The following ABCB1 variants were observed in gnomAD, a reference collection of about 807,000 sequenced individuals.
ABCB1 encodes ATP-dependent translocase ABCB1.
In ABCB1, 69 loss-of-function variants were observed where a neutral mutation model predicts 142.0. The ratio of observed to expected loss-of-function variants is 0.49; its 90% CI spans 0.40 to 0.59. The LOEUF is 0.59. Ranked by LOEUF, ABCB1 falls within the 20% of genes least tolerant of loss-of-function variation. ABCB1 has a pLI of 0.00. For synonymous variants in ABCB1, 532 were observed against 539.2 expected (o/e 0.99, Z 0.18); for missense variants, 1,326 against 1,554.7 (o/e 0.85, Z 2.47).
chr7:87,590,697 TTGTC>T (rs1818966474), intron 3 of ABCB1, among the ~76,000 whole-genome samples: 1 of 152,190 alleles, frequency 6.6e-6, no homozygotes, highest in Non-Finnish European at 1.5e-5. Flanking sequence ...GAGGGAATAT[TTGTC>T]TGCAGTAAAG....
chr7:87,611,077 C>T (rs1219548827), intron 1 of ABCB1, among the ~76,000 whole-genome samples: 1 of 152,184 alleles, frequency 6.6e-6, no homozygotes, highest in Non-Finnish European at 1.5e-5. Flanking sequence ...TTCGTAACAG[C>T]CAAAGTATTT....
chr7:87,656,513 A>G (rs927682060), intron 1 of ABCB1, among the ~76,000 whole-genome samples: 1 of 151,996 alleles, frequency 6.6e-6, no homozygotes, highest in Non-Finnish European at 1.5e-5. Context: ...AGAAAATATC[A>G]AGGTTTGTTT....
chr7:87,651,338 A>G (rs1293745550), intron 1 of ABCB1, among the ~76,000 whole-genome samples: 1 of 152,160 alleles, frequency 6.6e-6, no homozygotes, highest in African/African-American at 2.4e-5. Context: ...AGCAGGTAGT[A>G]GGTTAAAAAA....
intron 1 of ABCB1, among the ~76,000 whole-genome samples, chr7:87,666,988 A>G (rs1239057512): frequency 6.6e-6 from 1 of 152,116 alleles, no homozygotes; most frequent in Non-Finnish European, 1.5e-5. Flanking sequence ...TTTTGGTTCA[A>G]TATGAATTTT....
intron 5 of ABCB1, among the ~76,000 whole-genome samples, chr7:87,569,247 C>T (rs1312685902): frequency 3.4e-5 from 5 of 149,070 alleles, no homozygotes; most frequent in Non-Finnish European, 4.4e-5. Flanking sequence ...ACACAAGAAT[C>T]GCTTGAAGCC....
chr7:87,626,274 CAT>C (rs1315337588), intron 1 of ABCB1, among the ~76,000 whole-genome samples: 1 of 58,406 alleles, frequency 1.7e-5, no homozygotes, highest in Non-Finnish European at 3.0e-5. Context: ...ATATATGTGT[CAT>C]ATATATGTGT....
intron 17 of ABCB1, among the ~76,000 whole-genome samples, chr7:87,542,883 A>G (rs1816602628): frequency 6.6e-6 from 1 of 152,194 alleles, no homozygotes; most frequent in Non-Finnish European, 1.5e-5. Flanking sequence ...TGCAAAGCCT[A>G]AAATATTTAC....
intron 1 of ABCB1, among the ~76,000 whole-genome samples, chr7:87,711,191 T>G (rs922662757): frequency 6.6e-6 from 1 of 151,952 alleles, no homozygotes; most frequent in Non-Finnish European, 1.5e-5. Flanking sequence ...CCAGGCATGG[T>G]GGTGCATGCC....
chr7:87,707,516 A>C (rs1585160457), intron 1 of ABCB1, among the ~76,000 whole-genome samples: 1 of 152,128 alleles, frequency 6.6e-6, no homozygotes, highest in Non-Finnish European at 1.5e-5. Context: ...TCCACAAAAA[A>C]TACAAAAATT....
At chr7:87,645,794 T>C (rs2130334054) in intron 1 of ABCB1, among the ~76,000 whole-genome samples, 1 of 152,342 alleles carries the variant, frequency 6.6e-6, no homozygotes, top group East Asian at 1.9e-4. Flanking sequence ...TGACTAGCTA[T>C]ATGATTTTAG....
Position 87,514,006 on chromosome 7 carries a change from A to C in ABCB1, c.3282+1225T>G, listed in dbSNP as rs28401800. ...CAATCAGAGTTCACAGAAAATATAA[A>C]GCAAGAGAGTAAAAGTAGGGAACAA... On this transcript the variant is annotated intron_variant, in intron 25 of 27. Transcript: ENST00000622132. 4.5e-3 allele frequency among the ~76,000 whole-genome samples: 691 copies of C among 152,340 alleles called. 4 individuals carry two copies. The highest frequency in any genetic ancestry group is 0.016 in the African/African-American group (662 of 41,572).
chr7:87,578,623 T>C (rs1375659298), intron 4 of ABCB1, among the ~76,000 whole-genome samples: 1 of 152,126 alleles, frequency 6.6e-6, no homozygotes, highest in Non-Finnish European at 1.5e-5. Context: ...TAGAGATCTC[T>C]CATTTATTGA....
At chr7:87,578,724 C>T (rs1300093547) in intron 4 of ABCB1, among the ~76,000 whole-genome samples, 2 of 139,590 alleles carry the variant, frequency 1.4e-5, no homozygotes, top group East Asian at 2.1e-4. Flanking sequence ...GACGGAGTCT[C>T]GCTCTGTCGC....
At chr7:87,631,264 A>G (rs1821186817) in intron 1 of ABCB1, among the ~76,000 whole-genome samples, 1 of 152,270 alleles carries the variant, frequency 6.6e-6, no homozygotes, top group Admixed American at 6.5e-5. Context: ...GTACATTTTA[A>G]GTATCCCCAT....
intron 26 of ABCB1, among the ~76,000 whole-genome samples, chr7:87,507,659 C>G (rs1438644485): frequency 1.3e-5 from 2 of 152,112 alleles, no homozygotes; most frequent in Non-Finnish European, 2.9e-5. Flanking sequence ...GAAAGAGAGC[C>G]ACCTGGTGTT....
At chr7:87,678,158 C>T (rs978265365) in intron 1 of ABCB1, among the ~76,000 whole-genome samples, 1 of 152,082 alleles carries the variant, frequency 6.6e-6, no homozygotes, top group Non-Finnish European at 1.5e-5. Context: ...AGTTTTTCTC[C>T]TCTATTAAGG....
intron 1 of ABCB1, among the ~76,000 whole-genome samples, chr7:87,607,429 T>C (rs1190790078): frequency 6.6e-6 from 1 of 152,202 alleles, no homozygotes; most frequent in Non-Finnish European, 1.5e-5. Flanking sequence ...AATTCCTCCT[T>C]TGGGAGAGCT....
intron 1 of ABCB1, among the ~76,000 whole-genome samples, chr7:87,649,914 C>T (rs1206053197): frequency 6.6e-6 from 1 of 152,126 alleles, no homozygotes; most frequent in Non-Finnish European, 1.5e-5. Flanking sequence ...GTAAGACAAC[C>T]CTTTACTCTT....
intron 14 of ABCB1, among the ~76,000 whole-genome samples, chr7:87,547,412 C>G (rs1816830892): frequency 6.6e-6 from 1 of 152,018 alleles, no homozygotes; most frequent in South Asian, 2.1e-4. Context: ...TACATAGTTT[C>G]ACTATAGATT....
Sources: gnomAD v4.1 joint callset for allele counts (sites outside exome capture counted in the v4.1 genomes callset) on GRCh38, gnomAD v4.1.1 for gene constraint, MANE v1.5 for transcripts, NCBI Gene and HGNC (gene_info 2026-07-23, HGNC 2026-07-21) for gene names.